PACSIN2: variants seen among roughly 807,000 people sequenced by gnomAD.
The protein encoded by PACSIN2 is protein kinase C and casein kinase substrate in neurons protein 2.
A neutral mutation model predicts 63.8 loss-of-function variants in PACSIN2; 25 were observed. The observed-to-expected ratio is 0.39, with a 90% CI of 0.29 to 0.55. PACSIN2 has a LOEUF of 0.55. PACSIN2 is among the 20% of genes least tolerant of loss of function. PACSIN2 has a pLI of 0.62. For missense variants in PACSIN2, 518 were observed against 646.9 expected (o/e 0.80, Z 2.16); for synonymous variants, 255 against 256.2 (o/e 1.00, Z 0.05).
intron 1 of PACSIN2, among the ~76,000 whole-genome samples, chr22:42,939,951 G>A (rs375998652): frequency 1.3e-5 from 2 of 152,208 alleles, no homozygotes; most frequent in South Asian, 2.1e-4. Flanking sequence ...GGCAATCGGC[G>A]TCTACCCGGC....
intron 1 of PACSIN2, among the ~76,000 whole-genome samples, chr22:42,965,679 G>C (rs1360051635): frequency 1.3e-5 from 2 of 152,120 alleles, no homozygotes; most frequent in Non-Finnish European, 2.9e-5. Flanking sequence ...CAATGACTTT[G>C]GTAGAGGATC....
At chr22:42,938,679 G>T (rs891249688) in intron 1 of PACSIN2, among the ~76,000 whole-genome samples, 1 of 152,142 alleles carries the variant, frequency 6.6e-6, no homozygotes. Flanking sequence ...GTGGCATTCC[G>T]GTGTGTGCTA....
intron 1 of PACSIN2, among the ~76,000 whole-genome samples, chr22:42,922,350 G>C (rs1932250171): frequency 6.6e-6 from 1 of 152,284 alleles, no homozygotes; most frequent in Middle Eastern, 3.4e-3. Context: ...TCCACAACCA[G>C]ACAAAAGAAC....
Position 42,958,457 on chromosome 22 carries a change from A to C in PACSIN2, c.-77-46300T>G, listed in dbSNP as rs566528982. Reference sequence around the variant, plus strand: ...ATTTTTACTTATTGGCATAAATCTCATACCTGTAAAAATGCTTTGGTTTGA... The same window carrying C: ...ATTTTTACTTATTGGCATAAATCTCCTACCTGTAAAAATGCTTTGGTTTGA... On this transcript the variant is annotated intron_variant, in intron 1 of 10. Coordinates refer to ENST00000263246, the MANE Select transcript of PACSIN2 (RefSeq NM_001184970.3). Among the ~76,000 whole-genome samples, 79 of 152,354 alleles carry C rather than the reference A, an allele frequency of 5.2e-4. 1 individual carries two copies. Among genetic ancestry groups the C allele is most frequent in the African/African-American group, 1.8e-3 (75 of 41,590 alleles).
chr22:42,933,445 C>T (rs1445687603), intron 1 of PACSIN2, among the ~76,000 whole-genome samples: 1 of 152,096 alleles, frequency 6.6e-6, no homozygotes, highest in African/African-American at 2.4e-5. Context: ...CAATTCAAGT[C>T]CAAAAATAAA....
At chr22:42,961,566 G>A (rs1156609451) in intron 1 of PACSIN2, among the ~76,000 whole-genome samples, 1 of 152,110 alleles carries the variant, frequency 6.6e-6, no homozygotes, top group Non-Finnish European at 1.5e-5. Context: ...GAAGCCAGGA[G>A]TTTGAGACCA....
rs112997888 is a variant in PACSIN2, at chr22:42,978,416, T to A, written c.-78+36605A>T. 6.2e-3 allele frequency among the ~76,000 whole-genome samples: 939 copies of A among 152,176 alleles called. 7 individuals carry two copies. The highest frequency in any genetic ancestry group is 0.024 in the Middle Eastern group (7 of 294). On this transcript the variant is annotated intron_variant, in intron 1 of 10. Coordinates refer to ENST00000263246, the MANE Select transcript of PACSIN2 (RefSeq NM_001184970.3). ...TAACGCTGAGAAATCTAACAGAAAA[T>A]ATCAGTCTTCGTTTACACGCAACAC... is the stretch of plus-strand genomic sequence containing the variant.
intron 1 of PACSIN2, among the ~76,000 whole-genome samples, chr22:43,008,247 T>C (rs1924225951): frequency 6.6e-6 from 1 of 152,176 alleles, no homozygotes; most frequent in African/African-American, 2.4e-5. Context: ...GCTCTAAAAT[T>C]CAGTGGTCTT....
chr22:42,882,439 C>T (rs1339350700), intron 6 of PACSIN2, 135 bp from the exon 7 acceptor site: 4 of 956,834 alleles, frequency 4.2e-6, no homozygotes, highest in Non-Finnish European at 6.2e-6. Context: ...CCAGAACACT[C>T]CTCCCTTGGC....
At chr22:42,890,044 C>T (rs759106829) in intron 4 of PACSIN2, among the ~76,000 whole-genome samples, 82 of 150,912 alleles carry the variant, frequency 5.4e-4, no homozygotes, top group Non-Finnish European at 1.0e-3. Flanking sequence ...CCTCTGTCAC[C>T]AGGCTGGAGT....
At chr22:42,961,772 C>CA (rs1381936287) in intron 1 of PACSIN2, among the ~76,000 whole-genome samples, 2 of 150,768 alleles carry the variant, frequency 1.3e-5, no homozygotes, top group South Asian at 2.1e-4. Context: ...GATCCTGTCT[C>CA]AAAAAAAAGA....
intron 1 of PACSIN2, among the ~76,000 whole-genome samples, chr22:42,918,532 G>A (rs1931957593): frequency 6.6e-6 from 1 of 152,122 alleles, no homozygotes; most frequent in African/African-American, 2.4e-5. Flanking sequence ...TTGATGAAAA[G>A]GCAACCAAGA....
chr22:42,946,937 C>G (rs1463276615), intron 1 of PACSIN2: 1 of 152,326 alleles, frequency 6.6e-6, no homozygotes, highest in Non-Finnish European at 1.5e-5. Context: ...CTGTGCGGCT[C>G]CATTCCCCTT....
intron 1 of PACSIN2, among the ~76,000 whole-genome samples, chr22:42,976,900 T>G (rs1377157818): frequency 5.3e-5 from 8 of 152,216 alleles, no homozygotes; most frequent in African/African-American, 1.9e-4. Flanking sequence ...GGGCAAACCA[T>G]GCTCTAATCC....
chr22:43,003,848 C>G (rs1025559907), intron 1 of PACSIN2, among the ~76,000 whole-genome samples: 6 of 152,158 alleles, frequency 3.9e-5, no homozygotes, highest in Non-Finnish European at 8.8e-5. Flanking sequence ...TCCTGTCCCA[C>G]GTGGGATGCA....
chr22:42,902,236 C>T (rs796906991), intron 2 of PACSIN2, among the ~76,000 whole-genome samples: 22 of 152,290 alleles, frequency 1.4e-4, no homozygotes, highest in African/African-American at 5.1e-4. Flanking sequence ...ATGTTTGAGG[C>T]GGTAGCTGAA....
chr22:42,876,768 C>T (rs1377866850), intron 9 of PACSIN2, 120 bp downstream of exon 9: 6 of 1,339,634 alleles, frequency 4.5e-6, no homozygotes, highest in Non-Finnish European at 5.2e-6. Context: ...ACGCCAGGTG[C>T]CCACTTCCTG....
At chr22:43,012,792 A>G (rs969792908) in intron 1 of PACSIN2, among the ~76,000 whole-genome samples, 9 of 152,064 alleles carry the variant, frequency 5.9e-5, no homozygotes, top group African/African-American at 2.2e-4. Context: ...AGCTGGGATT[A>G]CAGGTATGAG....
intron 1 of PACSIN2, among the ~76,000 whole-genome samples, chr22:42,968,778 CCTCCTGCCTTGGGCCACGGAA>C: frequency 6.6e-6 from 1 of 152,212 alleles, no homozygotes; most frequent in African/African-American, 2.4e-5. Context: ...GATGCACTCA[CCTCCTGCCTTGGGCCACGGAA>C]CCCCAAGCTT....
Sources: gnomAD v4.1 joint callset for allele counts (sites outside exome capture counted in the v4.1 genomes callset) on GRCh38, gnomAD v4.1.1 for gene constraint, MANE v1.5 for transcripts, NCBI Gene and HGNC (gene_info 2026-07-23, HGNC 2026-07-21) for gene names.